NUP43: variants seen among roughly 807,000 people sequenced by gnomAD.
The protein encoded by NUP43 is nucleoporin 43, also known as nucleoporin Nup43.
In NUP43, 32 loss-of-function variants were observed where a neutral mutation model predicts 47.3. The ratio of observed to expected loss-of-function variants is 0.68; its 90% confidence interval spans 0.51 to 0.91. NUP43 has a LOEUF of 0.91. NUP43 is among the 40% of genes least tolerant of loss of function. The probability of loss-of-function intolerance (pLI) is 0.00; values close to 1 mark genes in which losing one functional copy is unlikely to be tolerated. For synonymous variants in NUP43, 147 were observed against 158.4 expected (o/e 0.93, Z 0.54); for missense variants, 444 against 453.9 (o/e 0.98, Z 0.20).
rs374560146 is a variant in NUP43, at chr6:149,746,499, G to T, written c.-4C>A. Reference sequence around the variant, plus strand: ...ACTTCGCATAAATTTCCTCCATGCCGAAAGCGGCCGCAGCAGGTACTGCAA... The same window carrying T: ...ACTTCGCATAAATTTCCTCCATGCCTAAAGCGGCCGCAGCAGGTACTGCAA... On this transcript the variant is annotated 5_prime_UTR_variant, in exon 1 of 8. Coordinates refer to ENST00000340413, the MANE Select transcript of NUP43 (RefSeq NM_198887.3). The T allele has an allele frequency of 4.3e-6, 7 of 1,614,136 alleles. No individual in the cohort carries two copies. Among genetic ancestry groups the T allele is most frequent in the Non-Finnish European group, 5.1e-6 (6 of 1,180,022 alleles).
In NUP43 at chr6:149,731,647, T is replaced by G. The variant is rs1261994416; in HGVS notation, c.879A>C (p.Thr293=). 6.2e-7 allele frequency: 1 copy of G among 1,613,842 alleles called. No individual in the cohort carries two copies. The part of the protein sequence containing the change: ...DGSLWHWDAS[T]DVPEKSSLFH... ...AGAGTGACGACTTTTCAGGTACATCTGTGGAAGCATCCCAGTGCCAGAGGG... is the reference window on the plus strand; with the variant it reads ...AGAGTGACGACTTTTCAGGTACATCGGTGGAAGCATCCCAGTGCCAGAGGG... Residue 293 remains threonine (T), a synonymous_variant, in exon 7 of 8, where the codon ACA becomes ACC. Coordinates refer to ENST00000340413, the MANE Select transcript of NUP43 (RefSeq NM_198887.3).
In NUP43 at chr6:149,743,638, CTGGTTATTTGGA is replaced by C; in HGVS notation, c.309_320del (p.His103_Asn106del). ...CACTTCTCAAACTAAAGTTCTTTAC[CTGGTTATTTGGA>C]TGGTGAAGGAAAACTGTTACACATC... On this transcript the variant is annotated inframe_deletion and splice_region_variant, in exon 3 of 8. Transcript: ENST00000340413. The C allele has an allele frequency of 6.3e-7, 1 of 1,580,852 alleles. No individual in the cohort carries two copies. The highest frequency in any genetic ancestry group is 8.7e-7 in the Non-Finnish European group (1 of 1,154,702).
rs1157303786 is a variant in NUP43 at position 149,725,971 on chromosome 6, C to T, written c.*998G>A. 6.6e-6 allele frequency: 1 copy of T among 152,142 alleles called. No homozygotes were observed. The highest frequency in any genetic ancestry group is 1.5e-5 in the Non-Finnish European group (1 of 68,026). The allele number at this position is 152,142 out of a possible 1,614,324, so 9.4% of individuals were successfully genotyped here. On this transcript the variant is annotated 3_prime_UTR_variant, in exon 8 of 8. Transcript: ENST00000340413. ...ATAGTTTGCTTATCAATATAGAATT[C>T]TACTTTATTGCACAATGTCCAGTTT...
At chr6:149,732,830 A>G (rs527311153) in intron 6 of NUP43, among the ~76,000 whole-genome samples, 65 of 151,914 alleles carry the variant, frequency 4.3e-4, no homozygotes, top group Middle Eastern at 3.4e-3. Flanking sequence ...GGGCAAAAAG[A>G]GCAAAACTAC....
upstream of NUP43, among the ~76,000 whole-genome samples, chr6:149,748,369 T>A (rs768079466): frequency 2.6e-5 from 4 of 152,142 alleles, no homozygotes; most frequent in Non-Finnish European, 4.4e-5. Flanking sequence ...TAGTTTCATT[T>A]ATGGTCACAT....
At position 149,731,704 on chromosome 6, in the gene NUP43, T is replaced by C; in HGVS notation, c.822A>G (p.Pro274=). The change falls in exon 7 of 8, where the codon CCA becomes CCG. Residue 274 remains proline (P), a synonymous_variant. Coordinates refer to ENST00000340413, the MANE Select transcript of NUP43 (RefSeq NM_198887.3). ...MWEVHFHPSN[P]EHLFTCSEDG... Reference sequence around the variant, plus strand: ...CTTCAGAGCAGGTAAAAAGATGTTCTGGGTTGGATGGGTGAAAGTGAACTT... The same window carrying C: ...CTTCAGAGCAGGTAAAAAGATGTTCCGGGTTGGATGGGTGAAAGTGAACTT... 6.2e-7 allele frequency: 1 copy of C among 1,613,898 alleles called. No homozygotes were observed.
intron 1 of NUP43, 29 bp from the exon 2 acceptor site, chr6:149,746,091 T>C (rs376369517): frequency 1.0e-5 from 16 of 1,604,994 alleles, no homozygotes; most frequent in Admixed American, 3.5e-5. Flanking sequence ...TGTCTTGAGA[T>C]GACATAAACG....
intron 6 of NUP43, among the ~76,000 whole-genome samples, 158 bp from the exon 7 acceptor site, chr6:149,731,893 G>A (rs1427568972): frequency 6.6e-6 from 1 of 152,150 alleles, no homozygotes; most frequent in Non-Finnish European, 1.5e-5. Flanking sequence ...TTAAAGAAAA[G>A]ACATAATGTA....
In NUP43 at chr6:149,724,490, T is replaced by A. The variant is rs997316057; in HGVS notation, c.*2479A>T. On this transcript the variant is annotated 3_prime_UTR_variant, in exon 8 of 8. Transcript: ENST00000340413. ...CTTTTACAGGATTGAGTGTTTTGGA[T>A]CCCACTCACACACTAAAACCCTGCC... 6.6e-6 allele frequency: 1 copy of A among 152,212 alleles called. No individual in the cohort carries two copies. Among genetic ancestry groups the A allele is most frequent in the African/African-American group, 2.4e-5 (1 of 41,464 alleles). 9.4% of individuals were successfully genotyped at this position (152,212 alleles called of 1,614,324 possible).
At chr6:149,728,915 T>C (rs568344655) in intron 7 of NUP43, among the ~76,000 whole-genome samples, 1 of 152,278 alleles carries the variant, frequency 6.6e-6, no homozygotes, top group South Asian at 2.1e-4. Context: ...CCCTCACCCC[T>C]GTCTTTATTC....
In NUP43 at chr6:149,743,127, G is replaced by C. The variant is rs181771901; in HGVS notation, c.321+511C>G. Among the ~76,000 whole-genome samples the C allele has an allele frequency of 2.1e-3, 325 of 151,490 alleles. 1 individual carries two copies. The highest frequency in any genetic ancestry group is 7.5e-3 in the African/African-American group (309 of 41,260). On this transcript the variant is annotated intron_variant, in intron 3 of 7. Transcript: ENST00000340413. ...AGAGATGCAGGTTGCAGTGAGCAGA[G>C]ATCGCACCACTGCACTCCAGCCTGG...
In NUP43 at chr6:149,725,117, C is replaced by A. The variant is rs932601249; in HGVS notation, c.*1852G>T. 1 of 152,192 alleles carries A rather than the reference C, an allele frequency of 6.6e-6. No individual in the cohort carries two copies. The highest frequency in any genetic ancestry group is 1.5e-5 in the Non-Finnish European group (1 of 68,034). The allele number at this position is 152,192 out of a possible 1,614,324, so 9.4% of individuals were successfully genotyped here. On this transcript the variant is annotated 3_prime_UTR_variant, in exon 8 of 8. Coordinates refer to ENST00000340413, the MANE Select transcript of NUP43 (RefSeq NM_198887.3). ...AAGCTTAGTTTCTTATTAAAATTGG[C>A]AAAACTTGTCAATTGGCATGAAATG...
upstream of NUP43, among the ~76,000 whole-genome samples, chr6:149,746,870 C>A (rs116159837): frequency 7.3e-4 from 111 of 152,318 alleles, no homozygotes; most frequent in African/African-American, 2.7e-3. Context: ...CAGGTCACTG[C>A]GCATAGAAAA....
chr6:149,744,978 T>G (rs991112235), intron 2 of NUP43, among the ~76,000 whole-genome samples: 2 of 150,742 alleles, frequency 1.3e-5, no homozygotes, highest in East Asian at 2.0e-4. Context: ...CTCGGCTCAC[T>G]GCAACCTCTG....
In NUP43 at chr6:149,727,318, T is replaced by C. The variant is rs1268735537; in HGVS notation, c.914-120A>G. ...TCAATGTGTTTAATTCTCAGAATAA[T>C]AGGCTAATAATTCCATTATTATACA... On this transcript the variant is annotated intron_variant, in intron 7 of 7. Transcript: ENST00000340413. 5 of 1,436,162 alleles carry C rather than the reference T, an allele frequency of 3.5e-6. No individual in the cohort carries two copies. In the African/African-American group the frequency reaches 4.3e-5, roughly 12 times the overall value. The allele number at this position is 1,436,162 out of a possible 1,614,324, so 89.0% of individuals were successfully genotyped here.
chr6:149,726,768 G>T lies in NUP43; in HGVS notation c.*201C>A. The T allele has an allele frequency of 1.8e-6, 1 of 570,636 alleles. No homozygotes were observed. The allele number at this position is 570,636 out of a possible 1,614,324, so 35.3% of individuals were successfully genotyped here. A position where few individuals can be genotyped will look rare whatever the true frequency, so the allele number is the denominator to read the frequency against. ...TTCTTCCACATGTTCACAATCTTTT[G>T]CCATCAGTCATCTATCGGATTCTAC... On this transcript the variant is annotated 3_prime_UTR_variant, in exon 8 of 8. Coordinates refer to ENST00000340413, the MANE Select transcript of NUP43 (RefSeq NM_198887.3).
chr6:149,746,162 A>ACG, intron 1 of NUP43, 100 bp from the exon 2 acceptor site: 1 of 1,407,344 alleles, frequency 7.1e-7, no homozygotes, highest in South Asian at 1.3e-5. Context: ...AAACATCTCA[A>ACG]ATGGTATGGT....
chr6:149,738,342 A>C lies in NUP43; in HGVS notation c.638+301T>G, dbSNP rs1343306888. On this transcript the variant is annotated intron_variant, in intron 5 of 7. Transcript: ENST00000340413. ...ATATTTGGAATTATATTTTTCCCCC[A>C]ATCATTACATCTGGAGTATATTTTA... Among the ~76,000 whole-genome samples, 9 of 152,192 alleles carry C rather than the reference A, an allele frequency of 5.9e-5. No individual in the cohort carries two copies. The South Asian group carries it at 1.9e-3, about 31-fold the overall frequency.
chr6:149,735,584 A>T, intron 6 of NUP43, among the ~76,000 whole-genome samples: 1 of 136,796 alleles, frequency 7.3e-6, no homozygotes, highest in Admixed American at 7.5e-5. Context: ...GGCAACAGAG[A>T]GAGACCCTGT....
Sources: allele counts gnomAD v4.1 joint callset (sites outside exome capture counted in the v4.1 genomes callset), GRCh38; gene constraint gnomAD v4.1.1; transcripts MANE v1.5; gene names NCBI Gene and HGNC (gene_info 2026-07-23, HGNC 2026-07-21).